The following RREB1 variants were observed in gnomAD, a reference collection of about 807,000 sequenced individuals.
The protein encoded by RREB1 is ras-responsive element-binding protein 1.
RREB1 carries 27 observed loss-of-function variants against 117.8 expected under a neutral mutation model. That is an observed-to-expected ratio of 0.23 (90% CI 0.17 to 0.32). The LOEUF (loss-of-function observed/expected upper bound fraction) is 0.32. Ranked by LOEUF, RREB1 falls within the 10% of genes least tolerant of loss-of-function variation. RREB1 has a pLI of 1.00. For missense variants in RREB1, 2,577 were observed against 2,378.2 expected (o/e 1.08, Z -1.74); for synonymous variants, 1,298 against 1,026.7 (o/e 1.26, Z -5.05).
intron 1 of RREB1, among the ~76,000 whole-genome samples, chr6:7,166,223 G>A (rs1288866742): frequency 6.6e-6 from 1 of 152,128 alleles, no homozygotes; most frequent in Non-Finnish European, 1.5e-5. Context: ...GCTGGTCCAG[G>A]AACATGCCAC....
chr6:7,232,765 T>TC, intron 10 of RREB1, among the ~76,000 whole-genome samples: 1 of 145,600 alleles, frequency 6.9e-6, no homozygotes, highest in East Asian at 2.0e-4. Context: ...TTCTTTTTCT[T>TC]TTTTTTTTTT....
rs987598079 is a variant in RREB1, at chr6:7,239,373, C to T, written c.3809-1065C>T. ...ACACAAGTGATGCACCACCAACTTC[C>T]GCCTCCTGAAGGCCCCTGATCCCCT... On this transcript the variant is annotated intron_variant, in intron 10 of 12. Coordinates refer to ENST00000379938, the MANE Select transcript of RREB1 (RefSeq NM_001003699.4). 8.5e-5 allele frequency among the ~76,000 whole-genome samples: 13 copies of T among 152,338 alleles called. No individual in the cohort carries two copies. In the South Asian group the frequency reaches 1.9e-3, roughly 22 times the overall value.
intron 2 of RREB1, among the ~76,000 whole-genome samples, 163 bp from the exon 3 acceptor site, chr6:7,180,961 G>T (rs1340972011): frequency 6.6e-6 from 1 of 152,224 alleles, no homozygotes; most frequent in African/African-American, 2.4e-5. Flanking sequence ...AGAAACAGCT[G>T]TAGAATGTGG....
intron 2 of RREB1, among the ~76,000 whole-genome samples, chr6:7,180,574 C>T (rs1227893662): frequency 6.6e-6 from 1 of 152,232 alleles, no homozygotes; most frequent in Non-Finnish European, 1.5e-5. Context: ...CTGACTGGAC[C>T]TGTAGCCATA....
chr6:7,167,373 G>A (rs1278561774), intron 1 of RREB1, among the ~76,000 whole-genome samples: 6 of 122,998 alleles, frequency 4.9e-5, no homozygotes, highest in Admixed American at 4.3e-4. Flanking sequence ...TTTTTTTTGA[G>A]ATGGAGTTTT....
Position 7,231,584 on chromosome 6 carries a change from G to C in RREB1, c.3485G>C (p.Arg1162Pro). The C allele has an allele frequency of 1.2e-6, 2 of 1,611,510 alleles. No homozygotes were observed. Among genetic ancestry groups the C allele is most frequent in the Non-Finnish European group, 1.7e-6 (2 of 1,179,184 alleles). ...KRGRKRGMRS[R>P]PRANSGGVDL... The stretch of plus-strand genomic sequence containing the variant: ...GGCCGGAAAAGGGGGATGAGGAGCC[G>C]ACCCCGCGCCAACAGCGGCGGGGTG... The change falls in exon 10 of 13, where the codon CGA (arginine) becomes CCA (proline). Residue 1162 changes from arginine (R) to proline (P), a missense_variant. Transcript: ENST00000379938.
chr6:7,212,437 G>A (rs1766665528), intron 8 of RREB1: 1 of 152,196 alleles, frequency 6.6e-6, no homozygotes. Flanking sequence ...TAACTCATCA[G>A]GCAACCGTTA....
At position 7,125,987 on chromosome 6, in the gene RREB1, TTTTG is replaced by T. The variant is rs58891233; in HGVS notation, c.-285+17955_-285+17958del. Among the ~76,000 whole-genome samples the T allele has an allele frequency of 1.0e-2, 1,503 of 150,782 alleles. 29 individuals carry two copies. Among genetic ancestry groups the T allele is most frequent in the South Asian group, 0.054 (257 of 4,764 alleles). The stretch of plus-strand genomic sequence containing the variant: ...TTCCTGTCTGCGGAGAAGGACTGTT[TTTTG>T]TTTGTTTGTTTGTTTGTTTGTTTGT... On this transcript the variant is annotated intron_variant, in intron 1 of 12. Coordinates refer to ENST00000379938, the MANE Select transcript of RREB1 (RefSeq NM_001003699.4).
rs1258526373 is a variant in RREB1, at chr6:7,231,824, G to T, written c.3725G>T (p.Cys1242Phe). 2.5e-6 allele frequency: 4 copies of T among 1,613,736 alleles called. No homozygotes were observed. The highest frequency in any genetic ancestry group is 3.4e-6 in the Non-Finnish European group (4 of 1,180,026). Residue 1242 changes from cysteine (C) to phenylalanine (F), a missense_variant, in exon 10 of 13, where the codon TGC becomes TTC. Coordinates refer to ENST00000379938, the MANE Select transcript of RREB1 (RefSeq NM_001003699.4). ...GCCAAGCGGAACTCGTACACCAACT[G>T]CCTGCAGAAGATCACCTGTCCCCAC... ...LRAKRNSYTN[C>F]LQKITCPHCP... is the part of the protein sequence containing the mutation.
intron 10 of RREB1, 126 bp from the exon 11 acceptor site, chr6:7,240,312 A>C: frequency 3.4e-6 from 2 of 583,634 alleles, no homozygotes; most frequent in Non-Finnish European, 5.6e-6. Flanking sequence ...TGTTTTGTTA[A>C]TTTTCTTGAA....
At chr6:7,151,282 A>T (rs1763111581) in intron 1 of RREB1, among the ~76,000 whole-genome samples, 3 of 152,194 alleles carry the variant, frequency 2.0e-5, no homozygotes, top group African/African-American at 7.2e-5. Flanking sequence ...CCCAAAGAGA[A>T]GAATTTGATC....
rs926866012 is a variant in RREB1, at chr6:7,197,530, C to A, written c.425+8208C>A. On this transcript the variant is annotated intron_variant, in intron 6 of 12. Coordinates refer to ENST00000379938, the MANE Select transcript of RREB1 (RefSeq NM_001003699.4). Reference sequence around the variant, plus strand: ...CAAAACCCCATCTCTACTAAAAAAACAAAAATTAGCCAGATTACCCATAAT... The same window carrying A: ...CAAAACCCCATCTCTACTAAAAAAAAAAAAATTAGCCAGATTACCCATAAT... 1.4e-4 allele frequency among the ~76,000 whole-genome samples: 22 copies of A among 152,244 alleles called. No homozygotes were observed. The East Asian group carries it at 4.3e-3, about 29-fold the overall frequency.
At chr6:7,242,648 C>CA (rs1561806223) in intron 11 of RREB1, among the ~76,000 whole-genome samples, 15 of 151,326 alleles carry the variant, frequency 9.9e-5, no homozygotes, top group African/African-American at 1.9e-4. Flanking sequence ...GGGTTCCCCC[C>CA]CCCCAGTGAA....
At chr6:7,189,780 G>A (rs1765301648) in intron 6 of RREB1, among the ~76,000 whole-genome samples, 1 of 152,190 alleles carries the variant, frequency 6.6e-6, no homozygotes, top group Non-Finnish European at 1.5e-5. Flanking sequence ...GGAGCTTCAG[G>A]ATAAGATAGG....
chr6:7,238,896 T>TA lies in RREB1; in HGVS notation c.3809-1541dup, dbSNP rs770994570. 5.4e-4 allele frequency among the ~76,000 whole-genome samples: 82 copies of TA among 152,318 alleles called. No individual in the cohort carries two copies. The Middle Eastern group carries it at 0.01, about 19-fold the overall frequency. On this transcript the variant is annotated intron_variant, in intron 10 of 12. Coordinates refer to ENST00000379938, the MANE Select transcript of RREB1 (RefSeq NM_001003699.4). ...GGAATCAATGTCCCCTGTCTCTGAT[T>TA]ATTACTCCTGATGTGAAATTGTGGC...
intron 6 of RREB1, among the ~76,000 whole-genome samples, chr6:7,209,893 T>G (rs1305504366): frequency 2.0e-5 from 3 of 152,270 alleles, no homozygotes; most frequent in Non-Finnish European, 4.4e-5. Context: ...TGGTCCTAAA[T>G]CTGGCACAGT....
chr6:7,136,979 C>T (rs1261662239), intron 1 of RREB1, among the ~76,000 whole-genome samples: 21 of 152,220 alleles, frequency 1.4e-4, no homozygotes, highest in Non-Finnish European at 2.9e-5. Context: ...CGGCACCTGG[C>T]CTCCCTCTTT....
chr6:7,108,868 T>C (rs1442094077), intron 1 of RREB1, among the ~76,000 whole-genome samples: 3 of 151,268 alleles, frequency 2.0e-5, no homozygotes, highest in African/African-American at 4.9e-5. Context: ...GGTTCCCGGC[T>C]GGCGGTCGTG....
chr6:7,167,791 G>A (rs532716766), intron 1 of RREB1, among the ~76,000 whole-genome samples: 3 of 152,204 alleles, frequency 2.0e-5, no homozygotes, highest in South Asian at 4.1e-4. Context: ...TCAGTAGCTC[G>A]CATGCTGGAG....
Sources: gnomAD v4.1 joint callset for allele counts (sites outside exome capture counted in the v4.1 genomes callset) on GRCh38, gnomAD v4.1.1 for gene constraint, MANE v1.5 for transcripts, NCBI Gene and HGNC (gene_info 2026-07-23, HGNC 2026-07-21) for gene names.